The following NAPEPLD variants were observed in gnomAD, a reference collection of about 807,000 sequenced individuals.
The protein encoded by NAPEPLD is N-acyl phosphatidylethanolamine phospholipase D.
NAPEPLD carries 23 observed loss-of-function variants against 38.1 expected under a neutral mutation model. The ratio of observed to expected loss-of-function variants is 0.60; its 90% CI spans 0.43 to 0.86. The LOEUF (loss-of-function observed/expected upper bound fraction) is 0.86. Ranked by LOEUF, NAPEPLD falls within the 40% of genes least tolerant of loss-of-function variation. The pLI is 0.00. For missense variants in NAPEPLD, 411 were observed against 476.8 expected, an observed-to-expected ratio of 0.86 and a Z score of 1.28; for synonymous variants, 147 against 162.0, an observed-to-expected ratio of 0.91 and a Z score of 0.71.
At chr7:103,133,494 G>A (rs1369377611) in intron 1 of NAPEPLD, among the ~76,000 whole-genome samples, 2 of 152,186 alleles carry the variant, frequency 1.3e-5, no homozygotes, top group African/African-American at 2.4e-5. Context: ...CTGCCAACAG[G>A]TGCTCCAGTG....
In NAPEPLD at chr7:103,099,951, C is replaced by G. The variant is rs1802157814; in HGVS notation, c.*3478G>C. ...ATTTAAATTTATAACCCCTGCCATG[C>G]TTAGCATTAAGTAAATCAGTATGCA... is the stretch of plus-strand genomic sequence containing the variant. On this transcript the variant is annotated 3_prime_UTR_variant, in exon 5 of 5. Transcript: ENST00000465647. The G allele has an allele frequency of 6.6e-6, 1 of 152,076 alleles. No homozygotes were observed. The highest frequency in any genetic ancestry group is 1.5e-5 in the Non-Finnish European group (1 of 68,032). The allele number at this position is 152,076 out of a possible 1,614,324, so 9.4% of individuals were successfully genotyped here. A position where few individuals can be genotyped will look rare whatever the true frequency, so the allele number is the denominator to read the frequency against.
Position 103,103,498 on chromosome 7 carries a change from G to T in NAPEPLD, c.1113C>A (p.Asn371Lys), listed in dbSNP as rs564292614. Residue 371 changes from asparagine (N) to lysine (K), a missense_variant, in exon 5 of 5, where the codon AAC becomes AAA. Coordinates refer to ENST00000465647, the MANE Select transcript of NAPEPLD (RefSeq NM_001122838.3). ...LNEALERYGL[N>K]AEDFFVLKHG... Reference sequence around the variant, plus strand: ...GCTTCAAGACAAAAAAATCTTCAGCGTTAAGTCCGTATCTCTCTAGAGCTT... The same window carrying T: ...GCTTCAAGACAAAAAAATCTTCAGCTTTAAGTCCGTATCTCTCTAGAGCTT... 11 of 1,599,168 alleles carry T rather than the reference G, an allele frequency of 6.9e-6. No individual in the cohort carries two copies. Among genetic ancestry groups the T allele is most frequent in the Non-Finnish European group, 8.5e-6 (10 of 1,176,170 alleles).
chr7:103,101,441 T>G lies in NAPEPLD; in HGVS notation c.*1988A>C, dbSNP rs532154579. On this transcript the variant is annotated 3_prime_UTR_variant, in exon 5 of 5. Transcript: ENST00000465647. The stretch of plus-strand genomic sequence containing the variant: ...TTAGGCTATTACTCCAATTTAAAAA[T>G]CAGTGAAAGTTTTCAATGTTTAGTC... 7 of 152,488 alleles carry G rather than the reference T, an allele frequency of 4.6e-5. 1 individual carries two copies. The South Asian group carries it at 1.5e-3, about 32-fold the overall frequency. 9.4% of individuals were successfully genotyped at this position (152,488 alleles called of 1,614,324 possible).
Position 103,102,809 on chromosome 7 carries a change from AT to A in NAPEPLD, c.*619del, listed in dbSNP as rs1298195183. ...TAAAATGGCAAATATGTATTTATATATTTTACCACAATAGAGAAAATCAAGT... is the reference window on the plus strand; with the variant it reads ...TAAAATGGCAAATATGTATTTATATATTTACCACAATAGAGAAAATCAAGT... On this transcript the variant is annotated 3_prime_UTR_variant, in exon 5 of 5. Coordinates refer to ENST00000465647, the MANE Select transcript of NAPEPLD (RefSeq NM_001122838.3). The A allele has an allele frequency of 1.3e-5, 2 of 152,630 alleles. No individual in the cohort carries two copies. Among genetic ancestry groups the A allele is most frequent in the African/African-American group, 4.8e-5 (2 of 41,456 alleles). The allele number at this position is 152,630 out of a possible 1,614,324, so 9.5% of individuals were successfully genotyped here.
chr7:103,136,391 G>A lies in NAPEPLD; in HGVS notation c.-16-7599C>T, dbSNP rs561772782. 1.2e-3 allele frequency among the ~76,000 whole-genome samples: 181 copies of A among 144,866 alleles called. 1 individual carries two copies. Among genetic ancestry groups the A allele is most frequent in the African/African-American group, 4.4e-3 (177 of 39,898 alleles). On this transcript the variant is annotated intron_variant, in intron 1 of 4. Coordinates refer to ENST00000465647, the MANE Select transcript of NAPEPLD (RefSeq NM_001122838.3). ...GTTCGAGAACAGCCTGGCTAACATGGCAAAACCCTGTCTCTACTAAAAAAA... is the reference window on the plus strand; with the variant it reads ...GTTCGAGAACAGCCTGGCTAACATGACAAAACCCTGTCTCTACTAAAAAAA...
intron 2 of NAPEPLD, among the ~76,000 whole-genome samples, chr7:103,122,363 G>C (rs544699630): frequency 3.2e-4 from 49 of 152,158 alleles, no homozygotes; most frequent in South Asian, 4.2e-4. Flanking sequence ...TGATGGCATG[G>C]AGAGTGTCAC....
chr7:103,126,599 A>AC lies in NAPEPLD; in HGVS notation c.294+1883_294+1884insG, dbSNP rs1554536932. Among the ~76,000 whole-genome samples, 6 of 151,194 alleles carry AC rather than the reference A, an allele frequency of 4.0e-5. No homozygotes were observed. The South Asian group carries it at 1.3e-3, about 32-fold the overall frequency. ...CCAGGGGCCACCTCCTCAGAATGCA[A>AC]TTTTTTTTGTTTTGTTTTGTTTTTT... On this transcript the variant is annotated intron_variant, in intron 2 of 4. Coordinates refer to ENST00000465647, the MANE Select transcript of NAPEPLD (RefSeq NM_001122838.3).
At chr7:103,134,211 A>G (rs913954068) in intron 1 of NAPEPLD, among the ~76,000 whole-genome samples, 6 of 152,234 alleles carry the variant, frequency 3.9e-5, no homozygotes, top group Non-Finnish European at 7.3e-5. Context: ...AATCAGAAGC[A>G]TAATTAATTG....
chr7:103,110,891 C>CA (rs963185815), intron 4 of NAPEPLD, among the ~76,000 whole-genome samples: 62 of 83,626 alleles, frequency 7.4e-4, no homozygotes, highest in Non-Finnish European at 1.3e-3. Context: ...TCTCAGGATA[C>CA]AAAAATCAAT....
intron 1 of NAPEPLD, among the ~76,000 whole-genome samples, chr7:103,131,162 T>C (rs933810823): frequency 1.3e-5 from 2 of 152,182 alleles, no homozygotes; most frequent in Admixed American, 6.5e-5. Flanking sequence ...ATTTGTCATA[T>C]ACATATACAT....
chr7:103,103,632 AAAAT>A (rs755886287), intron 4 of NAPEPLD, 78 bp from the exon 5 acceptor site: 44 of 1,452,102 alleles, frequency 3.0e-5, no homozygotes, highest in Non-Finnish European at 3.6e-5. Context: ...AGTTCAAACT[AAAAT>A]AACCAACAGA....
chr7:103,124,572 A>C (rs1228811748), intron 2 of NAPEPLD, among the ~76,000 whole-genome samples: 2 of 152,182 alleles, frequency 1.3e-5, no homozygotes, highest in Non-Finnish European at 2.9e-5. Context: ...TCATGGCTAG[A>C]TCAAGACTTT....
At chr7:103,119,242 T>G (rs1228723237) in intron 3 of NAPEPLD, among the ~76,000 whole-genome samples, 2 of 152,196 alleles carry the variant, frequency 1.3e-5, no homozygotes, top group Admixed American at 6.5e-5. Flanking sequence ...ATGACTATAA[T>G]TAAAATATTT....
intron 1 of NAPEPLD, among the ~76,000 whole-genome samples, chr7:103,139,633 A>C (rs563269023): frequency 6.6e-6 from 1 of 152,214 alleles, no homozygotes; most frequent in Non-Finnish European, 1.5e-5. Context: ...CAAAGTCACT[A>C]GAGAGGTTAC....
At chr7:103,140,381 A>G (rs1242945190) in intron 1 of NAPEPLD, among the ~76,000 whole-genome samples, 1 of 142,128 alleles carries the variant, frequency 7.0e-6, no homozygotes, top group Non-Finnish European at 1.5e-5. Flanking sequence ...TGGAATTCAC[A>G]GAACTCTTTT....
intron 1 of NAPEPLD, among the ~76,000 whole-genome samples, chr7:103,135,412 C>T (rs1160649008): frequency 6.6e-6 from 1 of 152,126 alleles, no homozygotes; most frequent in African/African-American, 2.4e-5. Context: ...ACTGGTATTA[C>T]TCCCAGAGGC....
intron 4 of NAPEPLD, among the ~76,000 whole-genome samples, chr7:103,107,454 G>A (rs6959711): frequency 0.88 from 133,092 of 151,998 alleles, 60,994 homozygotes; most frequent in East Asian, 1. Context: ...AAACCCCTCC[G>A]AGCTAAAGGA....
intron 4 of NAPEPLD, among the ~76,000 whole-genome samples, chr7:103,111,842 T>A (rs1804590798): frequency 6.6e-6 from 1 of 151,908 alleles, no homozygotes; most frequent in African/African-American, 2.4e-5. Context: ...TGGGAGAAAA[T>A]TTTTGCAATC....
intron 1 of NAPEPLD, among the ~76,000 whole-genome samples, chr7:103,135,730 T>C (rs1809894491): frequency 2.2e-5 from 2 of 92,286 alleles, no homozygotes; most frequent in African/African-American, 6.9e-5. Context: ...TTTAGATATA[T>C]GTACATATAA....
Sources: gnomAD v4.1 joint callset for allele counts (sites outside exome capture counted in the v4.1 genomes callset) on GRCh38, gnomAD v4.1.1 for gene constraint, MANE v1.5 for transcripts, NCBI Gene and HGNC (gene_info 2026-07-23, HGNC 2026-07-21) for gene names.